Variants in SLC4A10 observed in about 807,000 individuals in gnomAD.
SLC4A10 encodes solute carrier family 4 member 10.
SLC4A10 carries 42 observed loss-of-function variants against 137.7 expected under a neutral mutation model. The ratio of observed to expected loss-of-function variants is 0.30; its 90% CI spans 0.24 to 0.39. The LOEUF is 0.39. Among genes scored for constraint, SLC4A10 ranks in the 10% least tolerant of loss-of-function variants. The pLI is 1.00. For synonymous variants in SLC4A10, 474 were observed against 464.1 expected, an observed-to-expected ratio of 1.02 and a Z score of -0.27; for missense variants, 925 against 1,355.0, an observed-to-expected ratio of 0.68 and a Z score of 4.98.
intron 4 of SLC4A10, among the ~76,000 whole-genome samples, chr2:161,847,810 A>G (rs530953872): frequency 1.3e-5 from 2 of 152,270 alleles, no homozygotes; most frequent in African/African-American, 4.8e-5. Context: ...TGTCTTTGCT[A>G]TTGTGAATAG....
chr2:161,627,155 C>A (rs1046154740), intron 1 of SLC4A10, among the ~76,000 whole-genome samples: 1 of 151,936 alleles, frequency 6.6e-6, no homozygotes, highest in East Asian at 1.9e-4. Flanking sequence ...TTATCATTGT[C>A]AATGTTGCTG....
intron 2 of SLC4A10, among the ~76,000 whole-genome samples, chr2:161,793,977 T>C (rs1035113796): frequency 6.6e-6 from 1 of 152,170 alleles, no homozygotes; most frequent in African/African-American, 2.4e-5. Context: ...GACATCACAG[T>C]GATTAATCCA....
At chr2:161,962,092 A>C (rs1192219040) in intron 21 of SLC4A10, among the ~76,000 whole-genome samples, 1 of 152,244 alleles carries the variant, frequency 6.6e-6, no homozygotes, top group Non-Finnish European at 1.5e-5. Context: ...TATGCTAAAT[A>C]TAATCAGTTC....
chr2:161,667,088 G>A (rs1313050110), intron 1 of SLC4A10, among the ~76,000 whole-genome samples: 2 of 151,554 alleles, frequency 1.3e-5, no homozygotes, highest in Admixed American at 6.6e-5. Context: ...CGTGTAGTTG[G>A]TGTGTTCACC....
At chr2:161,738,996 C>A (rs1310201941) in intron 1 of SLC4A10, among the ~76,000 whole-genome samples, 1 of 152,162 alleles carries the variant, frequency 6.6e-6, no homozygotes, top group Non-Finnish European at 1.5e-5. Context: ...CTATCAGGCC[C>A]TCAGGAATTC....
chr2:161,889,399 A>G (rs1485012241), intron 10 of SLC4A10, among the ~76,000 whole-genome samples: 2 of 152,132 alleles, frequency 1.3e-5, no homozygotes, highest in African/African-American at 4.8e-5. Flanking sequence ...TCGGCTATGA[A>G]TCCATCTGGT....
intron 2 of SLC4A10, among the ~76,000 whole-genome samples, chr2:161,799,681 C>G (rs1207994171): frequency 6.6e-6 from 1 of 151,884 alleles, no homozygotes; most frequent in African/African-American, 2.4e-5. Flanking sequence ...ATCGTATTAG[C>G]TCATGTAATC....
At chr2:161,681,905 C>T (rs896625370) in intron 1 of SLC4A10, among the ~76,000 whole-genome samples, 2 of 152,104 alleles carry the variant, frequency 1.3e-5, no homozygotes, top group African/African-American at 4.8e-5. Context: ...CTATCCTTCT[C>T]TCTGCCTTGA....
chr2:161,910,240 G>C (rs1685508476), intron 15 of SLC4A10, among the ~76,000 whole-genome samples: 1 of 151,966 alleles, frequency 6.6e-6, no homozygotes, highest in Non-Finnish European at 1.5e-5. Flanking sequence ...GATATATCTA[G>C]CTACTCTGTC....
At chr2:161,879,108 T>C in intron 8 of SLC4A10, 23 bp from the exon 9 acceptor site, 1 of 1,610,710 alleles carries the variant, frequency 6.2e-7, no homozygotes, top group Non-Finnish European at 8.5e-7. Context: ...TGATTTATCA[T>C]ATTTACCTGG....
chr2:161,819,817 T>A (rs2057463995), intron 3 of SLC4A10, among the ~76,000 whole-genome samples: 1 of 152,154 alleles, frequency 6.6e-6, no homozygotes, highest in South Asian at 2.1e-4. Flanking sequence ...TTTAATGTCA[T>A]CTTCTATTCT....
At chr2:161,955,085 C>T (rs1222297420) in intron 19 of SLC4A10, among the ~76,000 whole-genome samples, 1 of 152,082 alleles carries the variant, frequency 6.6e-6, no homozygotes, top group African/African-American at 2.4e-5. Flanking sequence ...CATAATTTTG[C>T]AAAATAGCTC....
intron 1 of SLC4A10, among the ~76,000 whole-genome samples, chr2:161,767,126 T>TG (rs2050923427): frequency 8.7e-6 from 1 of 115,122 alleles, no homozygotes; most frequent in African/African-American, 3.2e-5. Flanking sequence ...TATATATATA[T>TG]ATATATATAT....
At chr2:161,662,140 C>T (rs2038502396) in intron 1 of SLC4A10, among the ~76,000 whole-genome samples, 1 of 152,088 alleles carries the variant, frequency 6.6e-6, no homozygotes, top group Admixed American at 6.5e-5. Flanking sequence ...GCTAAAGAGA[C>T]TAAGAGATCG....
At chr2:161,640,651 TCC>T (rs1453546971) in intron 1 of SLC4A10, among the ~76,000 whole-genome samples, 4 of 105,670 alleles carry the variant, frequency 3.8e-5, no homozygotes, top group Non-Finnish European at 6.0e-5. Context: ...CTTCCTTCCT[TCC>T]TTCCTTCTTT....
chr2:161,963,989 C>G, intron 21 of SLC4A10, 146 bp from the exon 22 acceptor site: 1 of 601,642 alleles, frequency 1.7e-6, no homozygotes, highest in Non-Finnish European at 2.8e-6. Context: ...GCATAACAAT[C>G]CCATTGTCTT....
chr2:161,742,471 T>C (rs1335265734), intron 1 of SLC4A10, among the ~76,000 whole-genome samples: 4 of 139,412 alleles, frequency 2.9e-5, no homozygotes, highest in African/African-American at 1.1e-4. Context: ...AGACTGAGTC[T>C]CGCACTGTCG....
intron 3 of SLC4A10, among the ~76,000 whole-genome samples, chr2:161,812,229 G>A (rs113749162): frequency 0.027 from 4,085 of 151,952 alleles, 171 homozygotes; most frequent in African/African-American, 0.093. Flanking sequence ...TTTCCATCCC[G>A]CATACACGAA....
chr2:161,855,059 A>G lies in SLC4A10; in HGVS notation c.506A>G (p.Glu169Gly). Residue 169 changes from glutamate to glycine, a missense_variant, in exon 5 of 27, where the codon GAA becomes GGA. Glu to Gly is a moderately conservative substitution (Grantham distance 98). This residue lies in a region of SLC4A10 where 277 missense variants were observed against 306.1 expected (regional missense o/e 0.90). Coordinates refer to ENST00000446997, the MANE Select transcript of SLC4A10 (RefSeq NM_001178015.2). ...ACTCTTTCATTGCACAGCTTGTTTGAATTGAGAAGTTGTATTCTGAATGGA... is the reference window on the plus strand; with the variant it reads ...ACTCTTTCATTGCACAGCTTGTTTGGATTGAGAAGTTGTATTCTGAATGGA... ...VATLSLHSLFELRSCILNGTV... is the reference protein window; with the variant it reads ...VATLSLHSLFGLRSCILNGTV... The G allele has an allele frequency of 6.2e-7, 1 of 1,613,490 alleles. No individual in the cohort carries two copies. The highest frequency in any genetic ancestry group is 8.5e-7 in the Non-Finnish European group (1 of 1,179,616).
Sources: allele counts gnomAD v4.1 joint callset (sites outside exome capture counted in the v4.1 genomes callset), GRCh38; gene constraint gnomAD v4.1.1; regional missense constraint gnomAD v4.1.1; transcripts MANE v1.5; gene names NCBI Gene and HGNC (gene_info 2026-07-23, HGNC 2026-07-21).